GLIS1: variants seen among roughly 807,000 people sequenced by gnomAD.
GLIS1 encodes zinc finger protein GLIS1.
Under a neutral mutation model 63.8 loss-of-function variants are expected in GLIS1, and 24 were observed. The ratio of observed to expected loss-of-function variants is 0.38; its 90% CI spans 0.27 to 0.53. GLIS1 has a LOEUF of 0.53. Ranked by LOEUF, GLIS1 falls within the 20% of genes least tolerant of loss-of-function variation. GLIS1 has a pLI of 0.85. For synonymous variants in GLIS1, 450 were observed against 482.5 expected (o/e 0.93, Z 0.88); for missense variants, 1,036 against 1,074.1 (o/e 0.96, Z 0.50).
chr1:53,729,170 G>C (rs1465438357), intron 2 of GLIS1, among the ~76,000 whole-genome samples: 1 of 152,202 alleles, frequency 6.6e-6, no homozygotes, highest in African/African-American at 2.4e-5. Flanking sequence ...TGCTGTCAGG[G>C]ATGGGAAGTA....
chr1:53,704,934 G>A (rs1646562221), intron 2 of GLIS1, among the ~76,000 whole-genome samples: 3 of 152,192 alleles, frequency 2.0e-5, no homozygotes, highest in Admixed American at 2.0e-4. Context: ...CTCATGGGAG[G>A]CAGAAAAGAG....
intron 5 of GLIS1, among the ~76,000 whole-genome samples, 155 bp from the exon 6 acceptor site, chr1:53,525,042 T>C (rs492600): frequency 0.9 from 136,792 of 152,246 alleles, 61,517 homozygotes; most frequent in East Asian, 1. Flanking sequence ...GTGGGGAAGG[T>C]GCCTGGCCTG....
intron 4 of GLIS1, 30 bp downstream of exon 4, chr1:53,594,078 G>A (rs535647382): frequency 1.3e-6 from 2 of 1,579,046 alleles, no homozygotes; most frequent in Non-Finnish European, 8.6e-7. Context: ...GAGGGGCTGG[G>A]GTGAGGCCTG....
At chr1:53,608,243 G>A (rs1267626079) in intron 2 of GLIS1, among the ~76,000 whole-genome samples, 1 of 152,140 alleles carries the variant, frequency 6.6e-6, no homozygotes, top group African/African-American at 2.4e-5. Context: ...GAATATAGGC[G>A]TGAGCCACTG....
chr1:53,513,154 T>A (rs1177331919), intron 8 of GLIS1, among the ~76,000 whole-genome samples: 1 of 152,068 alleles, frequency 6.6e-6, no homozygotes, highest in East Asian at 1.9e-4. Flanking sequence ...CCCCAGCTCA[T>A]CCCTGAGGCC....
Position 53,560,932 on chromosome 1 carries a change from C to T in GLIS1, c.1321-30980G>A, listed in dbSNP as rs925685448. Among the ~76,000 whole-genome samples the T allele has an allele frequency of 9.2e-5, 14 of 152,188 alleles. No individual in the cohort carries two copies. The highest frequency in any genetic ancestry group is 8.5e-4 in the Admixed American group (13 of 15,286). On this transcript the variant is annotated intron_variant, in intron 4 of 10. Coordinates refer to ENST00000628545, the MANE Select transcript of GLIS1 (RefSeq NM_001367484.1). The surrounding 1 kb of genome is among the most constrained non-coding windows in gnomAD (Gnocchi z 4.4). Reference sequence around the variant, plus strand: ...CACAGCCAGGCAGCCAGGCAGAGCTCCAGAGAGGAGGCCGGGCCCACACTG... The same window carrying T: ...CACAGCCAGGCAGCCAGGCAGAGCTTCAGAGAGGAGGCCGGGCCCACACTG...
chr1:53,534,618 T>C (rs1341910885), intron 4 of GLIS1, among the ~76,000 whole-genome samples: 5 of 152,038 alleles, frequency 3.3e-5, no homozygotes, highest in East Asian at 1.9e-4. Context: ...GTAAGCCCTG[T>C]GGCCTGAAAG....
intron 4 of GLIS1, among the ~76,000 whole-genome samples, chr1:53,581,300 C>T (rs998356450): frequency 4.6e-5 from 7 of 152,174 alleles, no homozygotes; most frequent in Non-Finnish European, 8.8e-5. Flanking sequence ...GGACAGCAAC[C>T]GTGCAGCCCT....
rs115865997 is a variant in GLIS1, at chr1:53,626,016, C to A, written c.260-25738G>T. On this transcript the variant is annotated intron_variant, in intron 2 of 10. Coordinates refer to ENST00000628545, the MANE Select transcript of GLIS1 (RefSeq NM_001367484.1). ...GATCTTGGAGCTGTTGGGAAGGCACCCACTTGCTCTCTAGGGCTCACGACA... is the reference window on the plus strand; with the variant it reads ...GATCTTGGAGCTGTTGGGAAGGCACACACTTGCTCTCTAGGGCTCACGACA... Among the ~76,000 whole-genome samples, 1,148 of 152,280 alleles carry A rather than the reference C, an allele frequency of 7.5e-3. 23 individuals carry two copies. Among genetic ancestry groups the A allele is most frequent in the African/African-American group, 0.027 (1,118 of 41,548 alleles).
At chr1:53,570,657 C>T (rs1187382915) in intron 4 of GLIS1, among the ~76,000 whole-genome samples, 1 of 152,132 alleles carries the variant, frequency 6.6e-6, no homozygotes, top group Non-Finnish European at 1.5e-5. Context: ...CATAGATATA[C>T]AGAGTCTCTG....
At chr1:53,531,759 C>T (rs1429049625) in intron 4 of GLIS1, among the ~76,000 whole-genome samples, 2 of 152,320 alleles carry the variant, frequency 1.3e-5, no homozygotes, top group South Asian at 2.1e-4. Flanking sequence ...CTGTGGGCCG[C>T]GAGCTGCTTC....
At chr1:53,514,940 GT>G (rs1644335604) in intron 7 of GLIS1, among the ~76,000 whole-genome samples, 159 bp from the exon 8 acceptor site, 2 of 152,022 alleles carry the variant, frequency 1.3e-5, no homozygotes, top group Non-Finnish European at 2.9e-5. Flanking sequence ...AGTGAGGGAG[GT>G]GCTGGCCCCA....
chr1:53,637,231 GC>G (rs36084059), intron 2 of GLIS1, among the ~76,000 whole-genome samples: 74,425 of 152,008 alleles, frequency 0.49, 21,465 homozygotes, highest in Non-Finnish European at 0.63. Context: ...GGTCTGTGGG[GC>G]AAGCAGGTAC....
chr1:53,652,277 G>C (rs565039103), intron 2 of GLIS1, among the ~76,000 whole-genome samples: 4 of 152,302 alleles, frequency 2.6e-5, no homozygotes, highest in South Asian at 2.1e-4. Context: ...TGAGGATGTG[G>C]AGATGAGTTG....
chr1:53,663,397 C>T (rs1309924525), intron 2 of GLIS1, among the ~76,000 whole-genome samples: 12 of 152,228 alleles, frequency 7.9e-5, no homozygotes, highest in Admixed American at 1.3e-4. Flanking sequence ...GGCAAGCGAA[C>T]GGCTCCTGGG....
intron 2 of GLIS1, among the ~76,000 whole-genome samples, chr1:53,690,519 C>T (rs1646391365): frequency 6.6e-6 from 1 of 152,258 alleles, no homozygotes. Flanking sequence ...CACCTCTTGG[C>T]TTCAACGTCT....
intron 2 of GLIS1, among the ~76,000 whole-genome samples, chr1:53,696,948 C>G (rs150028331): frequency 6.6e-6 from 1 of 152,234 alleles, no homozygotes; most frequent in Non-Finnish European, 1.5e-5. Flanking sequence ...ATACCTTCCA[C>G]GTGGCATCCC....
chr1:53,660,831 G>A (rs1468470503), intron 2 of GLIS1, among the ~76,000 whole-genome samples: 1 of 152,206 alleles, frequency 6.6e-6, no homozygotes, highest in Non-Finnish European at 1.5e-5. Context: ...ACTACAAAGA[G>A]AGCAGGGAGT....
intron 2 of GLIS1, among the ~76,000 whole-genome samples, chr1:53,621,361 C>T (rs572553383): frequency 9.2e-5 from 14 of 152,352 alleles, no homozygotes; most frequent in African/African-American, 3.4e-4. Context: ...TCTTTGGATC[C>T]CACACCAAGT....
Sources: allele counts gnomAD v4.1 joint callset (sites outside exome capture counted in the v4.1 genomes callset), GRCh38; gene constraint gnomAD v4.1.1; non-coding constraint Gnocchi (gnomAD v3.1); transcripts MANE v1.5; gene names NCBI Gene and HGNC (gene_info 2026-07-23, HGNC 2026-07-21).